Variants in DDX49 observed in about 807,000 individuals in gnomAD.
The protein encoded by DDX49 is DEAD-box helicase 49.
In DDX49, 50 loss-of-function variants were observed where a neutral mutation model predicts 56.3. That is an observed-to-expected ratio of 0.89 (90% CI 0.71 to 1.12). The LOEUF is 1.12. Among genes scored for constraint, DDX49 ranks in the 50% most tolerant of loss-of-function variants. DDX49 has a pLI of 0.00. For missense variants in DDX49, 614 were observed against 650.5 expected, an observed-to-expected ratio of 0.94 and a Z score of 0.61; for synonymous variants, 269 against 270.6, an observed-to-expected ratio of 0.99 and a Z score of 0.06.
At chr19:18,927,734 C>A in intron 10 of DDX49, 32 bp from the exon 11 acceptor site, 1 of 1,566,424 alleles carries the variant, frequency 6.4e-7, no homozygotes, top group Non-Finnish European at 8.8e-7. Context: ...GTCTCCTCCC[C>A]ACCCCCACCC....
chr19:18,928,032 G>T lies in DDX49; in HGVS notation c.1259G>T (p.Gly420Val). The change falls in exon 12 of 13, where the codon GGG (glycine) becomes GTG (valine). Residue 420 changes from glycine (G) to valine (V), a missense_variant. By Grantham distance (109) the Gly-to-Val change is moderately radical. Coordinates refer to ENST00000247003, the MANE Select transcript of DDX49 (RefSeq NM_019070.5). ...INKRKQLILE[G>V]KDPDLEAKRK... Reference sequence around the variant, plus strand: ...AAACGGAAGCAGCTGATCCTGGAGGGGAAGGTGAGGGCCGAGCCCGCAGGT... The same window carrying T: ...AAACGGAAGCAGCTGATCCTGGAGGTGAAGGTGAGGGCCGAGCCCGCAGGT... 2 of 1,613,866 alleles carry T rather than the reference G, an allele frequency of 1.2e-6. No homozygotes were observed. The highest frequency in any genetic ancestry group is 1.7e-6 in the Non-Finnish European group (2 of 1,180,000).
At chr19:18,923,162 T>C (rs2056933089) in intron 6 of DDX49, among the ~76,000 whole-genome samples, 1 of 152,140 alleles carries the variant, frequency 6.6e-6, no homozygotes. Context: ...AGCTGGAGGC[T>C]CTTCCAGCAT....
intron 6 of DDX49, 102 bp downstream of exon 6, chr19:18,922,846 T>C: frequency 6.9e-7 from 1 of 1,449,090 alleles, no homozygotes; most frequent in Middle Eastern, 1.8e-4. Flanking sequence ...CTCCCCAGCC[T>C]CTGCTCAGCC....
At chr19:18,922,575 G>A in intron 5 of DDX49, 29 bp from the exon 6 acceptor site, 1 of 1,602,956 alleles carries the variant, frequency 6.2e-7, no homozygotes, top group South Asian at 1.1e-5. Flanking sequence ...GGGACACTGA[G>A]GCGTGGCGGT....
chr19:18,920,234 CT>C (rs2056903139), intron 1 of DDX49, among the ~76,000 whole-genome samples: 1 of 152,292 alleles, frequency 6.6e-6, no homozygotes, highest in East Asian at 1.9e-4. Flanking sequence ...GATTGCTCCT[CT>C]AGGAGAAGGT....
intron 10 of DDX49, among the ~76,000 whole-genome samples, 173 bp from the exon 11 acceptor site, chr19:18,927,593 T>G (rs1038899073): frequency 6.6e-6 from 1 of 151,918 alleles, no homozygotes; most frequent in Non-Finnish European, 1.5e-5. Flanking sequence ...AAGACAGCGG[T>G]CCATACCTTC....
rs778338254 is a variant in DDX49 at position 18,924,638 on chromosome 19, G to A, written c.868G>A (p.Ala290Thr). 26 of 1,614,044 alleles carry A rather than the reference G, an allele frequency of 1.6e-5. No homozygotes were observed. Among genetic ancestry groups the A allele is most frequent in the East Asian group, 4.5e-5 (2 of 44,898 alleles). ...CCCTGTGCAGAAAGAACGCTTTGCC[G>A]CCCTAGCCAAGTTCAAGTCCAGCAT... ...SMMKQKERFA[A>T]LAKFKSSIYR... is the part of the protein sequence containing the mutation. Residue 290 changes from alanine to threonine, a missense_variant, in exon 8 of 13, where the codon GCC (alanine) becomes ACC (threonine). Physicochemically the swap from Ala to Thr is moderately conservative, Grantham distance 58. Coordinates refer to ENST00000247003, the MANE Select transcript of DDX49 (RefSeq NM_019070.5).
rs1256473337 is a variant in DDX49, at chr19:18,922,353, G to C, written c.475G>C (p.Glu159Gln). 6.2e-7 allele frequency: 1 copy of C among 1,611,644 alleles called. No individual in the cohort carries two copies. The highest frequency in any genetic ancestry group is 1.1e-5 in the South Asian group (1 of 90,712). ...GATGGATGAGGCAGACCGGCTGCTG[G>C]AACAGGGCTGCACTGACTTCACCGT... Reference protein sequence around the residue: ...LVMDEADRLLEQGCTDFTVDL... With the variant: ...LVMDEADRLLQQGCTDFTVDL... The change falls in exon 5 of 13, where the codon GAA becomes CAA. Residue 159 changes from glutamate (E) to glutamine (Q), a missense_variant. Physicochemically the swap from Glu to Gln is conservative, Grantham distance 29 (BLOSUM62 2). Coordinates refer to ENST00000247003, the MANE Select transcript of DDX49 (RefSeq NM_019070.5).
intron 6 of DDX49, 136 bp from the exon 7 acceptor site, chr19:18,924,097 C>T (rs1180377107): frequency 1.3e-5 from 11 of 819,968 alleles, no homozygotes; most frequent in Middle Eastern, 2.3e-4. Flanking sequence ...CATGAGCCAC[C>T]GTGCCTGGCC....
At chr19:18,927,680 G>A in intron 10 of DDX49, 86 bp from the exon 11 acceptor site, 1 of 1,142,520 alleles carries the variant, frequency 8.8e-7, no homozygotes, top group Non-Finnish European at 1.3e-6. Context: ...ATACCCCACA[G>A]CATGGGGAAC....
intron 6 of DDX49, among the ~76,000 whole-genome samples, chr19:18,923,120 C>G (rs1029146592): frequency 6.6e-6 from 1 of 152,170 alleles, no homozygotes. Flanking sequence ...CAGTTCATAT[C>G]TTCATTGAAT....
intron 9 of DDX49, among the ~76,000 whole-genome samples, chr19:18,926,013 G>A (rs886376736): frequency 1.3e-5 from 2 of 152,226 alleles, no homozygotes; most frequent in African/African-American, 4.8e-5. Flanking sequence ...GCTAATGGCT[G>A]GCATTACTTA....
chr19:18,926,982 A>G (rs559424766), intron 10 of DDX49, among the ~76,000 whole-genome samples: 1 of 148,622 alleles, frequency 6.7e-6, no homozygotes, highest in South Asian at 2.2e-4. Flanking sequence ...GTGAGGCATG[A>G]GAATTACTTG....
chr19:18,920,313 G>A (rs2056903925), intron 1 of DDX49, among the ~76,000 whole-genome samples: 1 of 152,190 alleles, frequency 6.6e-6, no homozygotes, highest in Non-Finnish European at 1.5e-5. Context: ...AGCCTAAGAT[G>A]TGATAAGTCA....
At position 18,928,221 on chromosome 19, in the gene DDX49, C is replaced by T. The variant is rs36078704; in HGVS notation, c.1357C>T (p.Arg453Ter). The change falls in exon 13 of 13, where the codon CGA becomes TGA. Residue 453 changes from arginine (R) to a stop codon, truncating the protein, a stop_gained. Transcript: ENST00000247003. LOFTEE classifies it low-confidence loss of function (END_TRUNC). The part of the protein sequence containing the change: ...FKEKVEETLK[R>*]QKAGRAGHKG... ...GGAGAAGGTGGAGGAGACGCTGAAG[C>T]GACAGAAGGCTGGCAGGGCTGGCCA... 2.9e-3 allele frequency: 4,593 copies of T among 1,587,134 alleles called. 116 individuals carry two copies. In the African/African-American group the frequency reaches 0.049, roughly 17 times the overall value.
chr19:18,922,423 C>T lies in DDX49; in HGVS notation c.545C>T (p.Thr182Ile). 8 of 1,608,624 alleles carry T rather than the reference C, an allele frequency of 5.0e-6. No individual in the cohort carries two copies. Among genetic ancestry groups the T allele is most frequent in the Non-Finnish European group, 6.8e-6 (8 of 1,179,002 alleles). ...GCGGCTGTGCCGGCCCGCAGGCAGA[C>T]ACTGCTGTTCAGCGCCACGCTGACC... is the stretch of plus-strand genomic sequence containing the variant. ...ILAAVPARRQ[T>I]LLFSATLTDT... Residue 182 changes from threonine (T) to isoleucine (I), a missense_variant, in exon 5 of 13, where the codon ACA becomes ATA. Transcript: ENST00000247003.
chr19:18,920,774 T>C, intron 2 of DDX49, 71 bp downstream of exon 2: 5 of 1,481,036 alleles, frequency 3.4e-6, no homozygotes, highest in Non-Finnish European at 4.6e-6. Flanking sequence ...CCTTTCCCTC[T>C]CTGAGCGCCC....
chr19:18,922,366 C>A lies in DDX49; in HGVS notation c.488C>A (p.Thr163Asn), dbSNP rs2056924856. ...EADRLLEQGC[T>N]DFTVDLEAIL... ...GACCGGCTGCTGGAACAGGGCTGCACTGACTTCACCGTGGACCTGGAGGCC... is the reference window on the plus strand; with the variant it reads ...GACCGGCTGCTGGAACAGGGCTGCAATGACTTCACCGTGGACCTGGAGGCC... The change falls in exon 5 of 13, where the codon ACT becomes AAT. Residue 163 changes from threonine to asparagine, a missense_variant. Physicochemically the swap from Thr to Asn is moderately conservative, Grantham distance 65. Coordinates refer to ENST00000247003, the MANE Select transcript of DDX49 (RefSeq NM_019070.5). The A allele has an allele frequency of 6.2e-7, 1 of 1,611,904 alleles. No homozygotes were observed. The highest frequency in any genetic ancestry group is 1.7e-5 in the Admixed American group (1 of 59,858).
chr19:18,924,728 G>T lies in DDX49; in HGVS notation c.929+29G>T, dbSNP rs59107085. 2.2e-3 allele frequency: 3,558 copies of T among 1,613,986 alleles called. 77 individuals carry two copies. The African/African-American group carries it at 0.043, about 19-fold the overall frequency. ...AGCAGCCCCCAGTCTCCTGCCAAGG[G>T]CACTCCCTCTTTTACTACAAGGCCC... On this transcript the variant is annotated intron_variant, in intron 8 of 12. Coordinates refer to ENST00000247003, the MANE Select transcript of DDX49 (RefSeq NM_019070.5).
Sources: allele counts gnomAD v4.1 joint callset (sites outside exome capture counted in the v4.1 genomes callset), GRCh38; gene constraint gnomAD v4.1.1; transcripts MANE v1.5; gene names NCBI Gene and HGNC (gene_info 2026-07-23, HGNC 2026-07-21).